The following POU2AF1 variants were observed in gnomAD, a reference collection of about 807,000 sequenced individuals.
The protein encoded by POU2AF1 is POU class 2 homeobox associating factor 1, also known as POU domain class 2-associating factor 1.
POU2AF1 carries 12 observed loss-of-function variants against 26.3 expected under a neutral mutation model. The ratio of observed to expected loss-of-function variants is 0.46; its 90% CI spans 0.29 to 0.74. The LOEUF (loss-of-function observed/expected upper bound fraction) is 0.74, where lower values mean the gene tolerates loss of function less well. Ranked by LOEUF, POU2AF1 falls within the 30% of genes least tolerant of loss-of-function variation. POU2AF1 has a pLI of 0.09. For synonymous variants in POU2AF1, 175 were observed against 148.0 expected, an observed-to-expected ratio of 1.18 and a Z score of -1.32; for missense variants, 297 against 334.5, an observed-to-expected ratio of 0.89 and a Z score of 0.87.
At chr11:111,374,645 A>C (rs932144722) in intron 1 of POU2AF1, among the ~76,000 whole-genome samples, 4 of 152,204 alleles carry the variant, frequency 2.6e-5, no homozygotes, top group Non-Finnish European at 5.9e-5. Flanking sequence ...CAGTGAGCTG[A>C]TCTTGCACCA....
chr11:111,358,642 TCA>T lies in POU2AF1; in HGVS notation c.147+144_147+145del, dbSNP rs1338722919. ...CAGATACACATTCTCTCTCACACTA[TCA>T]CACTCTCACACACTCTATCACACAC... On this transcript the variant is annotated intron_variant, in intron 2 of 4. Coordinates refer to ENST00000393067, the MANE Select transcript of POU2AF1 (RefSeq NM_006235.3). 208 of 1,006,164 alleles carry T rather than the reference TCA, an allele frequency of 2.1e-4. 7 individuals carry two copies. Among genetic ancestry groups the T allele is most frequent in the Non-Finnish European group, 2.7e-4 (184 of 682,706 alleles). The allele number at this position is 1,006,164 out of a possible 1,614,324, so 62.3% of individuals were successfully genotyped here. A position where few individuals can be genotyped will look rare whatever the true frequency, so the allele number is the denominator to read the frequency against.
chr11:111,372,817 T>G (rs576478716), intron 1 of POU2AF1, among the ~76,000 whole-genome samples: 1 of 152,258 alleles, frequency 6.6e-6, no homozygotes, highest in South Asian at 2.1e-4. Context: ...AGAAATGGCA[T>G]CAGATGTCAG....
At chr11:111,369,895 G>C (rs1302377728) in intron 1 of POU2AF1, among the ~76,000 whole-genome samples, 1 of 152,212 alleles carries the variant, frequency 6.6e-6, no homozygotes, top group Non-Finnish European at 1.5e-5. Flanking sequence ...TAGGCAGCTG[G>C]AGGAGGCAGA....
chr11:111,363,749 G>T, intron 1 of POU2AF1: 1 of 892,774 alleles, frequency 1.1e-6, no homozygotes, highest in Non-Finnish European at 1.3e-6. Flanking sequence ...ATTTCCCACA[G>T]TAGAGTTCTC....
In POU2AF1 at chr11:111,363,956, G is replaced by T; in HGVS notation, c.17-5038C>A. ...CCTGATTGGAGATCTCCTTTTTCGG[G>T]CTGAGAAGTTCACCATATTGCCTTT... is the stretch of plus-strand genomic sequence containing the variant. On this transcript the variant is annotated intron_variant, in intron 1 of 4. Transcript: ENST00000393067. 6.1e-6 allele frequency: 6 copies of T among 985,370 alleles called. No homozygotes were observed. The South Asian group carries it at 2.8e-4, about 46-fold the overall frequency. 61.0% of individuals were successfully genotyped at this position (985,370 alleles called of 1,614,324 possible).
intron 1 of POU2AF1, among the ~76,000 whole-genome samples, chr11:111,360,151 G>T (rs1374232830): frequency 6.6e-6 from 1 of 152,206 alleles, no homozygotes; most frequent in Non-Finnish European, 1.5e-5. Context: ...GCAACAAGCT[G>T]CCCACCTAGA....
At chr11:111,377,779 C>G (rs1421681316) in intron 1 of POU2AF1, 8 of 183,248 alleles carry the variant, frequency 4.4e-5, no homozygotes, top group African/African-American at 1.6e-4. Context: ...CCCACCTGCT[C>G]TCATCCACAC....
At chr11:111,357,989 C>T in intron 2 of POU2AF1, 152 bp from the exon 3 acceptor site, 1 of 842,458 alleles carries the variant, frequency 1.2e-6, no homozygotes, top group South Asian at 1.9e-5. Context: ...TCCCAACCAT[C>T]ACCACCTACA....
chr11:111,358,890 C>CGGGGCT lies in POU2AF1; in HGVS notation c.39_44dup (p.Pro15_Ala16dup), dbSNP rs753351920. The stretch of plus-strand genomic sequence containing the variant: ...CACGGACGCCCTGGTATGGCCGGGC[C>CGGGGCT]GGGGCTGGGGCTTGCTCCGGAGCTG... On this transcript the variant is annotated inframe_insertion, in exon 2 of 5. Coordinates refer to ENST00000393067, the MANE Select transcript of POU2AF1 (RefSeq NM_006235.3). 3.1e-6 allele frequency: 5 copies of CGGGGCT among 1,607,346 alleles called. No homozygotes were observed. The highest frequency in any genetic ancestry group is 2.5e-6 in the Non-Finnish European group (3 of 1,179,894).
chr11:111,360,131 T>C, intron 1 of POU2AF1: 1 of 482,816 alleles, frequency 2.1e-6, no homozygotes, highest in Admixed American at 2.1e-5. Context: ...AAAGCAGCCG[T>C]GGCTGGGAAG....
intron 1 of POU2AF1, chr11:111,359,855 G>A (rs1860971316): frequency 2.1e-6 from 1 of 483,400 alleles, no homozygotes; most frequent in Non-Finnish European, 4.2e-6. Context: ...TCGATTGGGT[G>A]ATTCTTTAAG....
At chr11:111,354,781 C>T (rs532522800) in intron 4 of POU2AF1, among the ~76,000 whole-genome samples, 2 of 152,278 alleles carry the variant, frequency 1.3e-5, no homozygotes, top group East Asian at 3.9e-4. Flanking sequence ...CCTGACCCTT[C>T]CTAGCTATAT....
intron 1 of POU2AF1, among the ~76,000 whole-genome samples, chr11:111,373,852 A>C (rs1342279848): frequency 7.2e-5 from 11 of 152,358 alleles, no homozygotes; most frequent in South Asian, 2.1e-4. Flanking sequence ...AGTTCTACAA[A>C]AATGAGAAAA....
chr11:111,363,188 T>C (rs1339459876), intron 1 of POU2AF1: 1 of 1,014,802 alleles, frequency 9.9e-7, no homozygotes, highest in Non-Finnish European at 1.2e-6. Context: ...CCTCTTCCTA[T>C]TGACGTTGCA....
At position 111,358,871 on chromosome 11, in the gene POU2AF1, C is replaced by T; in HGVS notation, c.64G>A (p.Val22Ile). The stretch of plus-strand genomic sequence containing the variant: ...TCCTTCACTGGCTCCTTCACACGGA[C>T]GCCCTGGTATGGCCGGGCCGGGGCT... ...APAPARPYQG[V>I]RVKEPVKELL... The change falls in exon 2 of 5, where the codon GTC (valine) becomes ATC (isoleucine). Residue 22 changes from valine (V) to isoleucine (I), a missense_variant. Transcript: ENST00000393067. The T allele has an allele frequency of 4.4e-6, 7 of 1,608,854 alleles. No homozygotes were observed. Among genetic ancestry groups the T allele is most frequent in the South Asian group, 1.1e-5 (1 of 91,042 alleles).
intron 1 of POU2AF1, among the ~76,000 whole-genome samples, chr11:111,378,076 C>T (rs1382347999): frequency 2.6e-5 from 4 of 152,164 alleles, no homozygotes; most frequent in African/African-American, 7.2e-5. Flanking sequence ...TTACATAAGA[C>T]ATAAAGCAAA....
chr11:111,379,108 G>A lies in POU2AF1; in HGVS notation c.16+54C>T, dbSNP rs1861371259. The A allele has an allele frequency of 5.0e-6, 8 of 1,610,852 alleles. No homozygotes were observed. In the East Asian group the frequency reaches 1.8e-4, roughly 36 times the overall value. The stretch of plus-strand genomic sequence containing the variant: ...CCCAATTCCAGACCAAGCTGTGATC[G>A]CCCTGCCCCGCTGGCACTCGCTTGG... On this transcript the variant is annotated intron_variant, in intron 1 of 4. Coordinates refer to ENST00000393067, the MANE Select transcript of POU2AF1 (RefSeq NM_006235.3).
intron 1 of POU2AF1, among the ~76,000 whole-genome samples, chr11:111,365,354 A>G (rs1212401992): frequency 6.6e-6 from 1 of 152,192 alleles, no homozygotes; most frequent in African/African-American, 2.4e-5. Context: ...CACTTGGTCA[A>G]TTTTTTAGGA....
intron 1 of POU2AF1, among the ~76,000 whole-genome samples, chr11:111,365,074 G>A (rs1294204230): frequency 1.3e-5 from 2 of 152,182 alleles, no homozygotes; most frequent in African/African-American, 2.4e-5. Flanking sequence ...TTTCTTGGAG[G>A]ATGGACTCTT....
Sources: gnomAD v4.1 joint callset for allele counts (sites outside exome capture counted in the v4.1 genomes callset) on GRCh38, gnomAD v4.1.1 for gene constraint, MANE v1.5 for transcripts, NCBI Gene and HGNC (gene_info 2026-07-23, HGNC 2026-07-21) for gene names.